Variants in ADSS1 observed in about 807,000 individuals in gnomAD.
ADSS1 encodes the protein adenylosuccinate synthetase isozyme 1.
Under a neutral mutation model 59.1 loss-of-function variants are expected in ADSS1, and 57 were observed. The ratio of observed to expected loss-of-function variants is 0.97; its 90% CI spans 0.78 to 1.20. The LOEUF (loss-of-function observed/expected upper bound fraction) is 1.20, where lower values mean the gene tolerates loss of function less well. Among genes scored for constraint, ADSS1 ranks in the 50% most tolerant of loss-of-function variants. ADSS1 has a pLI of 0.00. For synonymous variants in ADSS1, 247 were observed against 249.4 expected (o/e 0.99, Z 0.09); for missense variants, 603 against 610.3 (o/e 0.99, Z 0.13).
At chr14:104,730,955 GA>G (rs1890904161) in intron 1 of ADSS1, among the ~76,000 whole-genome samples, 1 of 94,626 alleles carries the variant, frequency 1.1e-5, no homozygotes. Context: ...ACTAGGCAGA[GA>G]GTGGGGGGGG....
At chr14:104,738,355 A>T (rs1891203431) in intron 2 of ADSS1, 21 bp from the exon 3 acceptor site, 1 of 1,613,248 alleles carries the variant, frequency 6.2e-7, no homozygotes, top group Admixed American at 1.7e-5. Context: ...TCTGTCTCTC[A>T]TGCCTCTGTC....
chr14:104,724,315 C>A lies in ADSS1; in HGVS notation c.45C>A (p.Gly15=). The A allele has an allele frequency of 8.1e-7, 1 of 1,236,288 alleles. No individual in the cohort carries two copies. 76.6% of individuals were successfully genotyped at this position (1,236,288 alleles called of 1,614,324 possible). The change falls in exon 1 of 13, where the codon GGC becomes GGA. Residue 15 remains glycine, a synonymous_variant. Coordinates refer to ENST00000330877, the MANE Select transcript of ADSS1 (RefSeq NM_152328.5). Reference sequence around the variant, plus strand: ...CCAACGACCGGCCCCCCGGCGCAGGCGGCGTCAAGCGGGGGCGGCTGCAGC... The same window carrying A: ...CCAACGACCGGCCCCCCGGCGCAGGAGGCGTCAAGCGGGGGCGGCTGCAGC... ...RASNDRPPGA[G]GVKRGRLQQE... is the part of the protein sequence containing the mutation.
intron 3 of ADSS1, among the ~76,000 whole-genome samples, 169 bp downstream of exon 3, chr14:104,738,607 G>A (rs1036012514): frequency 2.4e-4 from 37 of 152,242 alleles, no homozygotes; most frequent in African/African-American, 8.9e-4. Flanking sequence ...CAGAAAGCGA[G>A]TGAGCTGGGC....
At chr14:104,725,647 C>A (rs984445919) in intron 1 of ADSS1, among the ~76,000 whole-genome samples, 2 of 152,200 alleles carry the variant, frequency 1.3e-5, no homozygotes, top group African/African-American at 4.8e-5. Flanking sequence ...CCAGAGATCC[C>A]CCAGGTCCTA....
At chr14:104,725,738 C>G (rs1041148328) in intron 1 of ADSS1, among the ~76,000 whole-genome samples, 1 of 152,206 alleles carries the variant, frequency 6.6e-6, no homozygotes, top group Non-Finnish European at 1.5e-5. Context: ...GCATGTCCAG[C>G]GCTCTACTGC....
At position 104,740,561 on chromosome 14, in the gene ADSS1, G is replaced by A. The variant is rs372488352; in HGVS notation, c.477-40G>A. 5.0e-6 allele frequency: 8 copies of A among 1,596,316 alleles called. No individual in the cohort carries two copies. The highest frequency in any genetic ancestry group is 6.0e-6 in the Non-Finnish European group (7 of 1,167,642). ...CAGTGGGATGCCTGAGCTCCTCAGG[G>A]CTCCTGGGTTCTCATGGGTACCCAC... On this transcript the variant is annotated intron_variant, in intron 5 of 12. Coordinates refer to ENST00000330877, the MANE Select transcript of ADSS1 (RefSeq NM_152328.5). This position sits in a 1 kb window ranked among gnomAD's most constrained non-coding sequence, Gnocchi z 4.8.
At chr14:104,727,894 C>T (rs560268956) in intron 1 of ADSS1, among the ~76,000 whole-genome samples, 8 of 152,364 alleles carry the variant, frequency 5.3e-5, no homozygotes, top group African/African-American at 1.7e-4. Flanking sequence ...GACCTCAGGG[C>T]ACTGGGCTGT....
intron 3 of ADSS1, among the ~76,000 whole-genome samples, chr14:104,738,917 C>T (rs544533928): frequency 2.2e-4 from 33 of 152,110 alleles, no homozygotes; most frequent in Non-Finnish European, 4.7e-4. Context: ...GGCTCAAGGG[C>T]GGGACGGGTG....
intron 1 of ADSS1, among the ~76,000 whole-genome samples, chr14:104,731,696 G>A (rs552221273): frequency 3.9e-5 from 6 of 152,334 alleles, no homozygotes; most frequent in Admixed American, 3.3e-4. Flanking sequence ...GGTGGGAGCC[G>A]TGCCTGAGCA....
chr14:104,738,221 C>T (rs1425022464), intron 2 of ADSS1, 155 bp from the exon 3 acceptor site: 1 of 626,624 alleles, frequency 1.6e-6, no homozygotes, highest in Non-Finnish European at 2.7e-6. Context: ...TGGTTTCGAA[C>T]TCCTGACCTC....
intron 1 of ADSS1, among the ~76,000 whole-genome samples, chr14:104,725,408 G>A (rs906209215): frequency 2.6e-5 from 4 of 152,148 alleles, no homozygotes; most frequent in Non-Finnish European, 5.9e-5. Context: ...TGGAACAAGG[G>A]CCCCCGCACC....
chr14:104,740,682 GT>G lies in ADSS1; in HGVS notation c.559del (p.Ser187GlnfsTer26). The G allele has an allele frequency of 6.2e-7, 1 of 1,613,998 alleles. No individual in the cohort carries two copies. The highest frequency in any genetic ancestry group is 1.3e-5 in the African/African-American group (1 of 74,986). On this transcript the variant is annotated frameshift_variant, in exon 6 of 13. Coordinates refer to ENST00000330877, the MANE Select transcript of ADSS1 (RefSeq NM_152328.5). LOFTEE classifies it high-confidence loss of function. The surrounding 1 kb of genome is among the most constrained non-coding windows in gnomAD (Gnocchi z 4.8). ...RTGLRICDLLSDFDEFSSRFK... is the reference protein window; with the variant it reads ...RTGLRICDLLXDFDEFSSRFK... The stretch of plus-strand genomic sequence containing the variant: ...CAGGCCTCCGCATCTGCGACCTCCT[GT>G]CAGATTTTGATGAGTTTTCCTCCAG...
In ADSS1 at chr14:104,741,960, C is replaced by G. The variant is rs1891377135; in HGVS notation, c.906C>G (p.Thr302=). The G allele has an allele frequency of 3.1e-6, 5 of 1,613,344 alleles. No homozygotes were observed. The highest frequency in any genetic ancestry group is 4.2e-6 in the Non-Finnish European group (5 of 1,179,994). Residue 302 remains threonine (T), a synonymous_variant, in exon 9 of 13, where the codon ACC becomes ACG. Transcript: ENST00000330877. ...GDVYGVVKAY[T]TRVGIGAFPT... ...TGTATGGCGTGGTGAAAGCCTATAC[C>G]ACACGTGTGGGCATCGGGGCCTTCC...
intron 1 of ADSS1, among the ~76,000 whole-genome samples, chr14:104,734,736 G>A (rs943998097): frequency 2.6e-5 from 4 of 152,186 alleles, no homozygotes; most frequent in African/African-American, 9.7e-5. Context: ...AGCGGGGCCC[G>A]CAGCTGCAGA....
chr14:104,743,307 T>G (rs769407951), intron 10 of ADSS1, 116 bp downstream of exon 10: 1 of 1,456,062 alleles, frequency 6.9e-7, no homozygotes, highest in Non-Finnish European at 9.4e-7. Context: ...GGACAAGGTT[T>G]CCACTGATCT....
At chr14:104,742,635 G>A (rs908585905) in intron 9 of ADSS1, among the ~76,000 whole-genome samples, 2 of 152,268 alleles carry the variant, frequency 1.3e-5, no homozygotes, top group Admixed American at 6.5e-5. Context: ...ACGGGGAGGG[G>A]CGGACGCCAT....
intron 12 of ADSS1, 22 bp downstream of exon 12, chr14:104,746,407 C>T (rs1270007870): frequency 1.2e-6 from 2 of 1,603,474 alleles, no homozygotes; most frequent in Non-Finnish European, 1.7e-6. Context: ...GCATCCCCAG[C>T]CACCCTCCCT....
intron 11 of ADSS1, 158 bp downstream of exon 11, chr14:104,745,067 C>T: frequency 1.5e-6 from 1 of 660,186 alleles, no homozygotes; most frequent in Non-Finnish European, 2.6e-6. Flanking sequence ...TGGCTTTTGC[C>T]TCTCACGGGT....
intron 1 of ADSS1, among the ~76,000 whole-genome samples, chr14:104,734,410 G>A (rs972549175): frequency 2.0e-5 from 3 of 152,210 alleles, no homozygotes; most frequent in Non-Finnish European, 4.4e-5. Flanking sequence ...CATCCAGGGC[G>A]TGGCACAGTT....
Sources: gnomAD v4.1 joint callset for allele counts (sites outside exome capture counted in the v4.1 genomes callset) on GRCh38, gnomAD v4.1.1 for gene constraint, Gnocchi (gnomAD v3.1) non-coding constraint, MANE v1.5 for transcripts, NCBI Gene and HGNC (gene_info 2026-07-23, HGNC 2026-07-21) for gene names.